Variants in AKAP10 observed in about 807,000 individuals in gnomAD.
The protein encoded by AKAP10 is A-kinase anchor protein 10, mitochondrial.
In AKAP10, 24 loss-of-function variants were observed where a neutral mutation model predicts 80.8. The observed-to-expected ratio is 0.30, with a 90% CI of 0.22 to 0.42. The LOEUF (loss-of-function observed/expected upper bound fraction) is 0.42, where lower values mean the gene tolerates loss of function less well. Among genes scored for constraint, AKAP10 ranks in the 10% least tolerant of loss-of-function variants. The pLI is 1.00. For missense variants in AKAP10, 661 were observed against 794.9 expected (o/e 0.83, Z 2.03); for synonymous variants, 291 against 277.7 (o/e 1.05, Z -0.48).
intron 4 of AKAP10, among the ~76,000 whole-genome samples, chr17:19,950,579 A>G (rs984257651): frequency 1.3e-5 from 2 of 152,252 alleles, no homozygotes; most frequent in African/African-American, 2.4e-5. Context: ...CCGAGGTGCC[A>G]GGATTGCAGA....
At chr17:19,923,583 G>GT (rs2042841785) in intron 11 of AKAP10, among the ~76,000 whole-genome samples, 2 of 151,554 alleles carry the variant, frequency 1.3e-5, no homozygotes, top group African/African-American at 4.8e-5. Context: ...CTGGAGTGCA[G>GT]TGGCACAATC....
At chr17:19,912,334 C>T (rs1355816051) in intron 12 of AKAP10, among the ~76,000 whole-genome samples, 1 of 152,116 alleles carries the variant, frequency 6.6e-6, no homozygotes, top group Non-Finnish European at 1.5e-5. Flanking sequence ...ATCAGGAGTT[C>T]GAGACCAGCC....
At chr17:19,950,908 C>A (rs2152416468) in intron 4 of AKAP10, among the ~76,000 whole-genome samples, 1 of 151,604 alleles carries the variant, frequency 6.6e-6, no homozygotes, top group East Asian at 2.0e-4. Context: ...GTGGGGACCA[C>A]CTCTGCCCCG....
At chr17:19,910,058 T>G in intron 12 of AKAP10, 80 bp from the exon 13 acceptor site, 1 of 1,406,470 alleles carries the variant, frequency 7.1e-7, no homozygotes, top group Non-Finnish European at 9.9e-7. Flanking sequence ...CTGGCCATGG[T>G]GGTTCATGCC....
chr17:19,917,984 G>A (rs1264098047), intron 12 of AKAP10, among the ~76,000 whole-genome samples: 5 of 152,052 alleles, frequency 3.3e-5, no homozygotes, highest in African/African-American at 1.2e-4. Context: ...ACTTTGGGAG[G>A]CCGAGGTGGG....
chr17:19,972,045 G>A (rs1450358828), intron 1 of AKAP10, among the ~76,000 whole-genome samples: 1 of 152,208 alleles, frequency 6.6e-6, no homozygotes, highest in Non-Finnish European at 1.5e-5. Context: ...GGCAGAGATT[G>A]TGGTGAGCCG....
chr17:19,920,232 T>A, intron 11 of AKAP10, 114 bp from the exon 12 acceptor site: 1 of 715,016 alleles, frequency 1.4e-6, no homozygotes, highest in Non-Finnish European at 2.3e-6. Context: ...ACACAATTTA[T>A]AGCTATCCTA....
chr17:19,910,099 G>A (rs2042672631), intron 12 of AKAP10, 121 bp from the exon 13 acceptor site: 2 of 855,286 alleles, frequency 2.3e-6, no homozygotes, highest in African/African-American at 1.7e-5. Flanking sequence ...AGGCCGAGGT[G>A]GGTGATTCAC....
chr17:19,956,104 T>A (rs886577092), intron 4 of AKAP10, among the ~76,000 whole-genome samples: 6 of 152,138 alleles, frequency 3.9e-5, no homozygotes, highest in African/African-American at 1.4e-4. Flanking sequence ...TCCAGCACCA[T>A]CTGGGACAAT....
At chr17:19,914,938 C>T (rs1284258070) in intron 12 of AKAP10, among the ~76,000 whole-genome samples, 1 of 152,132 alleles carries the variant, frequency 6.6e-6, no homozygotes, top group African/African-American at 2.4e-5. Flanking sequence ...AAGGGACATC[C>T]ACAGGTAACA....
chr17:19,977,728 G>T lies in AKAP10; in HGVS notation c.-49C>A. 8.8e-7 allele frequency: 1 copy of T among 1,141,114 alleles called. No individual in the cohort carries two copies. Among genetic ancestry groups the T allele is most frequent in the Non-Finnish European group, 1.1e-6 (1 of 902,176 alleles). The allele number at this position is 1,141,114 out of a possible 1,614,324, so 70.7% of individuals were successfully genotyped here. ...GGTCCAGAGGGGCCGCTGCACTAGC[G>T]CGAAAAGGGACCCTTCTTCCGGGAG... On this transcript the variant is annotated 5_prime_UTR_variant, in exon 1 of 15. Coordinates refer to ENST00000225737, the MANE Select transcript of AKAP10 (RefSeq NM_007202.4).
intron 11 of AKAP10, 55 bp from the exon 12 acceptor site, chr17:19,920,173 G>A: frequency 3.0e-6 from 4 of 1,334,684 alleles, no homozygotes; most frequent in Non-Finnish European, 4.3e-6. Context: ...TTAAATTTAG[G>A]AGAAAACAAT....
At chr17:19,973,280 T>C (rs1216473292) in intron 1 of AKAP10, among the ~76,000 whole-genome samples, 2 of 152,216 alleles carry the variant, frequency 1.3e-5, no homozygotes, top group Non-Finnish European at 2.9e-5. Context: ...TACCAGTTTT[T>C]GTAAGTAAAG....
At chr17:19,977,057 CA>C (rs1228863672) in intron 1 of AKAP10, among the ~76,000 whole-genome samples, 1 of 152,162 alleles carries the variant, frequency 6.6e-6, no homozygotes, top group Non-Finnish European at 1.5e-5. Flanking sequence ...CCAAAGTCAT[CA>C]AAAGTAGTGG....
At chr17:19,974,828 C>T (rs2043545399) in intron 1 of AKAP10, among the ~76,000 whole-genome samples, 1 of 151,802 alleles carries the variant, frequency 6.6e-6, no homozygotes, top group Non-Finnish European at 1.5e-5. Flanking sequence ...TAACTCACAA[C>T]ACCCAGCTAT....
chr17:19,932,118 T>C lies in AKAP10; in HGVS notation c.1468-140A>G, dbSNP rs1191080577. 3 of 798,734 alleles carry C rather than the reference T, an allele frequency of 3.8e-6. No individual in the cohort carries two copies. The African/African-American group carries it at 5.2e-5, about 14-fold the overall frequency. The allele number at this position is 798,734 out of a possible 1,614,324, so 49.5% of individuals were successfully genotyped here. A position where few individuals can be genotyped will look rare whatever the true frequency, so the allele number is the denominator to read the frequency against. Reference sequence around the variant, plus strand: ...CAAATGTTTTTACTTCTTGTTGTACTACAAGTATTATCCCTTTGTACAGTT... The same window carrying C: ...CAAATGTTTTTACTTCTTGTTGTACCACAAGTATTATCCCTTTGTACAGTT... On this transcript the variant is annotated intron_variant, in intron 9 of 14. Transcript: ENST00000225737.
At chr17:19,938,795 G>A (rs1366339449) in intron 8 of AKAP10, among the ~76,000 whole-genome samples, 1 of 151,622 alleles carries the variant, frequency 6.6e-6, no homozygotes, top group Non-Finnish European at 1.5e-5. Context: ...GAGTACAGTG[G>A]ATCACAGCTC....
rs368101630 is a variant in AKAP10, at chr17:19,941,874, T to C, written c.1013A>G (p.Asn338Ser). ...ICGEDGQVDP[N>S]CFVLAQSIVF... ...TATGGACTGTGCCAAAACGAAACAG[T>C]TGGGATCCACCTGTCCATCTTCTCC... is the stretch of plus-strand genomic sequence containing the variant. The change falls in exon 6 of 15, where the codon AAC becomes AGC. Residue 338 changes from asparagine to serine, a missense_variant. Coordinates refer to ENST00000225737, the MANE Select transcript of AKAP10 (RefSeq NM_007202.4). 19 of 1,611,322 alleles carry C rather than the reference T, an allele frequency of 1.2e-5. No individual in the cohort carries two copies. In the African/African-American group the frequency reaches 2.3e-4, roughly 19 times the overall value.
Position 19,905,091 on chromosome 17 carries a change from C to CA in AKAP10, c.*1135dup, listed in dbSNP as rs1223526860. 1 of 151,198 alleles carries CA rather than the reference C, an allele frequency of 6.6e-6. No homozygotes were observed. Among genetic ancestry groups the CA allele is most frequent in the African/African-American group, 2.4e-5 (1 of 41,146 alleles). 9.4% of individuals were successfully genotyped at this position (151,198 alleles called of 1,614,324 possible). A position where few individuals can be genotyped will look rare whatever the true frequency, so the allele number is the denominator to read the frequency against. On this transcript the variant is annotated 3_prime_UTR_variant, in exon 15 of 15. Coordinates refer to ENST00000225737, the MANE Select transcript of AKAP10 (RefSeq NM_007202.4). ...CATCTAAGAGAACTTTCTTTCCTCT[C>CA]AATCATGTGCATTGAGGAAGCGCTG...
Sources: allele counts gnomAD v4.1 joint callset (sites outside exome capture counted in the v4.1 genomes callset), GRCh38; gene constraint gnomAD v4.1.1; transcripts MANE v1.5; gene names NCBI Gene and HGNC (gene_info 2026-07-23, HGNC 2026-07-21).